Variants in THSD7A observed in about 807,000 individuals in gnomAD.
The protein encoded by THSD7A is thrombospondin type 1 domain containing 7A.
In THSD7A, 96 loss-of-function variants were observed where a neutral mutation model predicts 231.3. The observed-to-expected ratio is 0.41, with a 90% confidence interval of 0.35 to 0.49. The LOEUF is 0.49. Ranked by LOEUF, THSD7A falls within the 20% of genes least tolerant of loss-of-function variation. The pLI is 0.05. For synonymous variants in THSD7A, 940 were observed against 743.3 expected, an observed-to-expected ratio of 1.26 and a Z score of -4.30; for missense variants, 2,290 against 2,070.2, an observed-to-expected ratio of 1.11 and a Z score of -2.06.
At chr7:11,630,482 C>T (rs1055285776) in intron 2 of THSD7A, among the ~76,000 whole-genome samples, 4 of 152,024 alleles carry the variant, frequency 2.6e-5, no homozygotes, top group African/African-American at 9.7e-5. Context: ...TAATATTCAC[C>T]CCTTCATGTT....
intron 2 of THSD7A, among the ~76,000 whole-genome samples, chr7:11,596,800 G>C (rs1048965952): frequency 1.1e-4 from 16 of 152,212 alleles, no homozygotes; most frequent in African/African-American, 3.6e-4. Flanking sequence ...TGCTATACCA[G>C]ATGTGGCTTC....
intron 16 of THSD7A, 107 bp downstream of exon 16, chr7:11,424,589 C>A: frequency 6.7e-7 from 1 of 1,490,290 alleles, no homozygotes. Context: ...AAACTGCAGA[C>A]AATTTTATCC....
chr7:11,572,585 T>G (rs553887175), intron 4 of THSD7A, among the ~76,000 whole-genome samples: 4 of 152,286 alleles, frequency 2.6e-5, no homozygotes, highest in Admixed American at 6.5e-5. Context: ...CATAGCTCAC[T>G]GAAGCCTCAA....
Position 11,375,415 on chromosome 7 carries a change from TCATGC to T in THSD7A, c.*374_*378del. ...TTGTGGAGATCTTGGTAGAAACTCT[TCATGC>T]TAGGAAGTTTTATGGATTAACACTG... On this transcript the variant is annotated 3_prime_UTR_variant, in exon 28 of 28. Coordinates refer to ENST00000423059, the MANE Select transcript of THSD7A (RefSeq NM_015204.3). The T allele has an allele frequency of 6.3e-6, 1 of 159,100 alleles. No individual in the cohort carries two copies. Among genetic ancestry groups the T allele is most frequent in the Non-Finnish European group, 1.4e-5 (1 of 73,666 alleles). 9.9% of individuals were successfully genotyped at this position (159,100 alleles called of 1,614,324 possible).
At chr7:11,788,754 C>G (rs77473722) in intron 1 of THSD7A, among the ~76,000 whole-genome samples, 1 of 151,816 alleles carries the variant, frequency 6.6e-6, no homozygotes, top group African/African-American at 2.4e-5. Flanking sequence ...ATCTGTGACT[C>G]GATTTTATTA....
intron 11 of THSD7A, among the ~76,000 whole-genome samples, chr7:11,453,525 G>T (rs1291919042): frequency 2.0e-5 from 3 of 151,926 alleles, no homozygotes; most frequent in Non-Finnish European, 4.4e-5. Flanking sequence ...AGATTTTAGT[G>T]ACCAGTGACA....
At chr7:11,723,706 G>C (rs1484949408) in intron 1 of THSD7A, among the ~76,000 whole-genome samples, 1 of 151,788 alleles carries the variant, frequency 6.6e-6, no homozygotes, top group Non-Finnish European at 1.5e-5. Context: ...ATCTACATCA[G>C]GGAAGAGCAT....
chr7:11,411,377 A>C lies in THSD7A; in HGVS notation c.3683-55T>G. 8.1e-7 allele frequency: 1 copy of C among 1,227,070 alleles called. No individual in the cohort carries two copies. The highest frequency in any genetic ancestry group is 1.2e-6 in the Non-Finnish European group (1 of 848,476). The allele number at this position is 1,227,070 out of a possible 1,614,324, so 76.0% of individuals were successfully genotyped here. On this transcript the variant is annotated intron_variant, in intron 18 of 27. Coordinates refer to ENST00000423059, the MANE Select transcript of THSD7A (RefSeq NM_015204.3). The surrounding 1 kb of genome is among the most constrained non-coding windows in gnomAD (Gnocchi z 4.1). ...AAGGCTAAGTAAGAAACAGATTTCAAATGAAACTCTGATGACCTGAATCCC... is the reference window on the plus strand; with the variant it reads ...AAGGCTAAGTAAGAAACAGATTTCACATGAAACTCTGATGACCTGAATCCC...
At chr7:11,384,065 T>G (rs1379120454) in intron 23 of THSD7A, 7 of 151,998 alleles carry the variant, frequency 4.6e-5, no homozygotes, top group Non-Finnish European at 1.0e-4. Flanking sequence ...TTATTTTCCA[T>G]TTGTTATGGT....
chr7:11,544,529 G>A (rs1332732453), intron 4 of THSD7A, among the ~76,000 whole-genome samples: 1 of 152,130 alleles, frequency 6.6e-6, no homozygotes, highest in Non-Finnish European at 1.5e-5. Flanking sequence ...ATTGCATGCA[G>A]AAGCTCACAG....
At chr7:11,812,105 TTGTGTGTGTGTGTGTG>T (rs34130500) in intron 1 of THSD7A, among the ~76,000 whole-genome samples, 1 of 133,560 alleles carries the variant, frequency 7.5e-6, no homozygotes, top group Non-Finnish European at 1.6e-5. Context: ...GAAAAGAAAA[TTGTGTGTGTGTGTGTG>T]TGTGTGTGTG....
At chr7:11,520,986 A>T (rs960747773) in intron 6 of THSD7A, among the ~76,000 whole-genome samples, 1 of 152,226 alleles carries the variant, frequency 6.6e-6, no homozygotes, top group African/African-American at 2.4e-5. Context: ...GGAAATCAGA[A>T]CGCTGACTGT....
intron 23 of THSD7A, among the ~76,000 whole-genome samples, chr7:11,382,967 A>T (rs1041397306): frequency 2.0e-5 from 3 of 151,276 alleles, no homozygotes; most frequent in African/African-American, 4.8e-5. Flanking sequence ...TTTAACAAAT[A>T]TTATTTATCC....
At position 11,812,663 on chromosome 7, in the gene THSD7A, A is replaced by G. The variant is rs568204181; in HGVS notation, c.190+19094T>C. 4.6e-5 allele frequency among the ~76,000 whole-genome samples: 7 copies of G among 152,350 alleles called. No homozygotes were observed. The East Asian group carries it at 1.2e-3, about 25-fold the overall frequency. ...AAACTTCAGTTATCACCTATTATTT[A>G]TACCATATAATGCTAATTTAAGTCT... On this transcript the variant is annotated intron_variant, in intron 1 of 27. Transcript: ENST00000423059.
chr7:11,501,185 G>A (rs1018676037), intron 6 of THSD7A, among the ~76,000 whole-genome samples: 2 of 152,154 alleles, frequency 1.3e-5, no homozygotes, highest in Non-Finnish European at 1.5e-5. Context: ...AATAGTGGGA[G>A]ACTTCAACAC....
At chr7:11,460,457 A>G (rs1785463085) in intron 11 of THSD7A, among the ~76,000 whole-genome samples, 1 of 152,208 alleles carries the variant, frequency 6.6e-6, no homozygotes, top group Admixed American at 6.6e-5. Flanking sequence ...AGAAAAATTC[A>G]AGAATTATGA....
chr7:11,585,544 AC>A (rs1463065663), intron 4 of THSD7A, among the ~76,000 whole-genome samples: 1 of 152,228 alleles, frequency 6.6e-6, no homozygotes, highest in African/African-American at 2.4e-5. Flanking sequence ...GGTCACAAAA[AC>A]ATCACTAAAC....
At chr7:11,605,802 C>G (rs953597362) in intron 2 of THSD7A, among the ~76,000 whole-genome samples, 1 of 152,104 alleles carries the variant, frequency 6.6e-6, no homozygotes, top group African/African-American at 2.4e-5. Context: ...ACTGCTGTTT[C>G]TCTAAAGCTT....
At chr7:11,826,835 G>C (rs1297505135) in intron 1 of THSD7A, among the ~76,000 whole-genome samples, 1 of 136,836 alleles carries the variant, frequency 7.3e-6, no homozygotes, top group Non-Finnish European at 1.6e-5. Context: ...AAAAAAAAAT[G>C]CAAATGCCAT....
Sources: allele counts gnomAD v4.1 joint callset (sites outside exome capture counted in the v4.1 genomes callset), GRCh38; gene constraint gnomAD v4.1.1; non-coding constraint Gnocchi (gnomAD v3.1); transcripts MANE v1.5; gene names NCBI Gene and HGNC (gene_info 2026-07-23, HGNC 2026-07-21).